GSG1L: variants seen among roughly 807,000 people sequenced by gnomAD.
GSG1L encodes the protein GSG1 like, also known as germ cell-specific gene 1-like protein.
A neutral mutation model predicts 42.1 loss-of-function variants in GSG1L; 24 were observed. That is an observed-to-expected ratio of 0.57 (90% CI 0.41 to 0.80). The LOEUF (loss-of-function observed/expected upper bound fraction) is 0.80, where lower values mean the gene tolerates loss of function less well. GSG1L is among the 30% of genes least tolerant of loss of function. GSG1L has a pLI of 0.00. For missense variants in GSG1L, 445 were observed against 472.2 expected (o/e 0.94, Z 0.53); for synonymous variants, 215 against 203.5 (o/e 1.06, Z -0.48).
chr16:27,994,573 C>T (rs1330886767), intron 1 of GSG1L, among the ~76,000 whole-genome samples: 2 of 152,180 alleles, frequency 1.3e-5, no homozygotes, highest in African/African-American at 4.8e-5. Context: ...TGCACACACA[C>T]ACGTGCACAT....
At chr16:27,978,921 T>C (rs984076991) in intron 1 of GSG1L, among the ~76,000 whole-genome samples, 7 of 152,104 alleles carry the variant, frequency 4.6e-5, no homozygotes, top group Admixed American at 3.3e-4. Context: ...TCAGACAACA[T>C]CTGCAAAGGA....
Position 28,020,000 on chromosome 16 carries a change from T to C in GSG1L, c.349+43076A>G, listed in dbSNP as rs142138066. On this transcript the variant is annotated intron_variant, in intron 1 of 6. Coordinates refer to ENST00000447459, the MANE Select transcript of GSG1L (RefSeq NM_001109763.2). Reference sequence around the variant, plus strand: ...CTGTCTCGCCTTGTAGGCACTAGAGTTTCAGATCCTTGGACTAAAGCACTG... The same window carrying C: ...CTGTCTCGCCTTGTAGGCACTAGAGCTTCAGATCCTTGGACTAAAGCACTG... Among the ~76,000 whole-genome samples the C allele has an allele frequency of 4.4e-3, 664 of 152,298 alleles. 4 individuals are homozygous for C. The highest frequency in any genetic ancestry group is 0.015 in the African/African-American group (634 of 41,568).
intron 1 of GSG1L, among the ~76,000 whole-genome samples, chr16:27,991,976 G>A (rs771422580): frequency 1.3e-5 from 2 of 152,124 alleles, no homozygotes; most frequent in Non-Finnish European, 2.9e-5. Flanking sequence ...TTCCAGGGGT[G>A]GAGCGTAAGA....
chr16:28,023,623 G>C (rs1398336556), intron 1 of GSG1L, among the ~76,000 whole-genome samples: 1 of 152,182 alleles, frequency 6.6e-6, no homozygotes, highest in Non-Finnish European at 1.5e-5. Flanking sequence ...TATTGTCAAA[G>C]TGTTCCTCTT....
chr16:27,808,970 C>T (rs952760339), intron 5 of GSG1L, among the ~76,000 whole-genome samples: 15 of 152,134 alleles, frequency 9.9e-5, no homozygotes, highest in Admixed American at 2.0e-4. Flanking sequence ...TGGCTGGGCC[C>T]GAGAACCGGT....
At chr16:27,822,947 G>A (rs925223142) in intron 5 of GSG1L, among the ~76,000 whole-genome samples, 2 of 123,302 alleles carry the variant, frequency 1.6e-5, no homozygotes, top group Non-Finnish European at 3.5e-5. Flanking sequence ...AAAAAGCTCC[G>A]GGGGCTTCCG....
At chr16:28,031,830 G>C (rs151046822) in intron 1 of GSG1L, among the ~76,000 whole-genome samples, 1 of 152,238 alleles carries the variant, frequency 6.6e-6, no homozygotes, top group African/African-American at 2.4e-5. Context: ...GCGTAGAGCT[G>C]TTTCTGACAG....
rs1467182110 is a variant in GSG1L at position 28,063,555 on chromosome 16, G to A, written c.-131C>T. ...TCGGGTGCCTGAGATCGGCGGCGGCGGACGCGGCGCGGGCCCATGCCCCCC... is the reference window on the plus strand; with the variant it reads ...TCGGGTGCCTGAGATCGGCGGCGGCAGACGCGGCGCGGGCCCATGCCCCCC... On this transcript the variant is annotated 5_prime_UTR_variant, in exon 1 of 7. Coordinates refer to ENST00000447459, the MANE Select transcript of GSG1L (RefSeq NM_001109763.2). The surrounding 1 kb of genome is among the most constrained non-coding windows in gnomAD (Gnocchi z 5.8). The A allele has an allele frequency of 7.6e-6, 3 of 397,212 alleles. No homozygotes were observed. The highest frequency in any genetic ancestry group is 2.2e-5 in the African/African-American group (1 of 45,454). 24.6% of individuals were successfully genotyped at this position (397,212 alleles called of 1,614,324 possible).
chr16:27,905,181 G>A (rs1318325007), intron 2 of GSG1L, among the ~76,000 whole-genome samples: 1 of 152,192 alleles, frequency 6.6e-6, no homozygotes, highest in Non-Finnish European at 1.5e-5. Flanking sequence ...AAGATTTGAA[G>A]AAGGTCACAC....
chr16:28,051,967 C>T (rs759540624), intron 1 of GSG1L, among the ~76,000 whole-genome samples: 1 of 152,018 alleles, frequency 6.6e-6, no homozygotes, highest in Non-Finnish European at 1.5e-5. Flanking sequence ...AGGCCAGAGA[C>T]GGTGCAGGCT....
At chr16:27,798,486 A>C (rs2082846421) in intron 6 of GSG1L, among the ~76,000 whole-genome samples, 2 of 152,080 alleles carry the variant, frequency 1.3e-5, no homozygotes, top group Admixed American at 1.3e-4. Flanking sequence ...GAAGTGTGAA[A>C]AACCTAGCAA....
At chr16:27,966,313 G>A (rs894464978) in intron 1 of GSG1L, among the ~76,000 whole-genome samples, 1 of 152,168 alleles carries the variant, frequency 6.6e-6, no homozygotes, top group East Asian at 1.9e-4. Context: ...CCACCAGCCT[G>A]AGCAAGAAAG....
At chr16:27,813,719 G>A (rs766379415) in intron 5 of GSG1L, among the ~76,000 whole-genome samples, 3 of 152,242 alleles carry the variant, frequency 2.0e-5, no homozygotes, top group African/African-American at 4.8e-5. Context: ...CCTGACTAGG[G>A]CTTGGCAGTG....
intron 1 of GSG1L, among the ~76,000 whole-genome samples, chr16:28,051,566 TTAAA>T (rs1413356637): frequency 6.6e-6 from 1 of 150,530 alleles, no homozygotes; most frequent in Non-Finnish European, 1.5e-5. Context: ...GACTGCGACT[TTAAA>T]TAGGGTGGCC....
At chr16:27,921,659 A>C (rs950311516) in intron 2 of GSG1L, among the ~76,000 whole-genome samples, 1 of 152,176 alleles carries the variant, frequency 6.6e-6, no homozygotes, top group African/African-American at 2.4e-5. Flanking sequence ...ATTGTGCCCC[A>C]GTTCTTATAA....
chr16:27,945,523 G>C (rs1341047403), intron 2 of GSG1L, among the ~76,000 whole-genome samples: 1 of 152,158 alleles, frequency 6.6e-6, no homozygotes, highest in East Asian at 1.9e-4. Context: ...AAGCCCAGGA[G>C]GCCAGAGATT....
intron 2 of GSG1L, among the ~76,000 whole-genome samples, chr16:27,901,299 C>T (rs1050322152): frequency 6.6e-6 from 1 of 152,172 alleles, no homozygotes; most frequent in Non-Finnish European, 1.5e-5. Flanking sequence ...TGGAAAAAAT[C>T]TGTGATTTCG....
intron 1 of GSG1L, among the ~76,000 whole-genome samples, chr16:27,980,276 G>T (rs1430512791): frequency 1.3e-5 from 2 of 152,162 alleles, no homozygotes; most frequent in South Asian, 4.1e-4. Context: ...GGGGGAAGGG[G>T]TCACTAAGGA....
At chr16:28,021,358 G>A (rs1021751534) in intron 1 of GSG1L, among the ~76,000 whole-genome samples, 4 of 152,124 alleles carry the variant, frequency 2.6e-5, no homozygotes, top group Non-Finnish European at 5.9e-5. Flanking sequence ...GCTAAGCAGT[G>A]GAGCCAGGAT....
Sources: gnomAD v4.1 joint callset for allele counts (sites outside exome capture counted in the v4.1 genomes callset) on GRCh38, gnomAD v4.1.1 for gene constraint, Gnocchi (gnomAD v3.1) non-coding constraint, MANE v1.5 for transcripts, NCBI Gene and HGNC (gene_info 2026-07-23, HGNC 2026-07-21) for gene names.